Variants in FARS2 observed in about 807,000 individuals in gnomAD.
The protein encoded by FARS2 is phenylalanine--tRNA ligase, mitochondrial.
A neutral mutation model predicts 46.4 loss-of-function variants in FARS2; 40 were observed. The ratio of observed to expected loss-of-function variants is 0.86; its 90% CI spans 0.67 to 1.12. FARS2 has a LOEUF of 1.12. FARS2 is among the 50% of genes most tolerant of loss of function. The pLI is 0.00. For synonymous variants in FARS2, 234 were observed against 214.9 expected (o/e 1.09, Z -0.78); for missense variants, 513 against 567.9 (o/e 0.90, Z 0.98).
At chr6:5,752,053 C>T (rs1489931917) in intron 6 of FARS2, among the ~76,000 whole-genome samples, 2 of 152,018 alleles carry the variant, frequency 1.3e-5, no homozygotes, top group African/African-American at 2.4e-5. Context: ...TCTGTTGTGC[C>T]GTGCAAAGAT....
intron 4 of FARS2, among the ~76,000 whole-genome samples, chr6:5,460,381 C>A (rs9405835): frequency 7.2e-5 from 11 of 152,020 alleles, no homozygotes; most frequent in Admixed American, 6.5e-4. Context: ...GTTTTTCAGG[C>A]GTTCAGTTGG....
chr6:5,513,792 GCTGT>G (rs898040892), intron 4 of FARS2, among the ~76,000 whole-genome samples: 15 of 152,232 alleles, frequency 9.9e-5, no homozygotes, highest in Middle Eastern at 3.4e-3. Flanking sequence ...AGAGTTTATT[GCTGT>G]CTAAGTGGGC....
intron 5 of FARS2, among the ~76,000 whole-genome samples, chr6:5,608,002 T>C (rs1321654760): frequency 6.6e-6 from 1 of 151,392 alleles, no homozygotes; most frequent in Non-Finnish European, 1.5e-5. Context: ...TTTTTTTTAG[T>C]TTCCAAATAT....
Position 5,500,096 on chromosome 6 carries a change from G to C in FARS2, c.905-45084G>C, listed in dbSNP as rs149986334. On this transcript the variant is annotated intron_variant, in intron 4 of 6. Transcript: ENST00000274680. The stretch of plus-strand genomic sequence containing the variant: ...AGATATAAGTTTTACATGATTCTTC[G>C]TGTCAGCAGTTTTGCCACTTGCCAT... Among the ~76,000 whole-genome samples, 776 of 152,230 alleles carry C rather than the reference G, an allele frequency of 5.1e-3. 9 individuals carry two copies. The highest frequency in any genetic ancestry group is 0.017 in the African/African-American group (724 of 41,540).
chr6:5,766,782 C>A (rs1215228239), intron 6 of FARS2, among the ~76,000 whole-genome samples: 1 of 152,032 alleles, frequency 6.6e-6, no homozygotes, highest in Non-Finnish European at 1.5e-5. Flanking sequence ...TATGTCATTA[C>A]CCCAAAGGAA....
intron 2 of FARS2, among the ~76,000 whole-genome samples, chr6:5,389,353 C>T (rs1166918953): frequency 6.6e-6 from 1 of 152,200 alleles, no homozygotes; most frequent in African/African-American, 2.4e-5. Flanking sequence ...GTCTCTCTCT[C>T]TCTCCTCTTT....
chr6:5,672,696 A>G (rs1290757230), intron 6 of FARS2, among the ~76,000 whole-genome samples: 1 of 152,092 alleles, frequency 6.6e-6, no homozygotes, highest in African/African-American at 2.4e-5. Flanking sequence ...CTGAAGTTTC[A>G]TTGTAGCTGA....
intron 6 of FARS2, among the ~76,000 whole-genome samples, chr6:5,738,234 A>ATCCCACACTACAG (rs1325932492): frequency 1.3e-5 from 2 of 152,252 alleles, no homozygotes; most frequent in African/African-American, 4.8e-5. Flanking sequence ...TACAGGCATA[A>ATCCCACACTACAG]GCACCACACC....
intron 4 of FARS2, among the ~76,000 whole-genome samples, chr6:5,500,550 C>T (rs2150379810): frequency 6.6e-6 from 1 of 152,254 alleles, no homozygotes; most frequent in African/African-American, 2.4e-5. Context: ...TGTGCAGTTA[C>T]CTTCAGTGTT....
At chr6:5,587,195 CT>C (rs566183909) in intron 5 of FARS2, among the ~76,000 whole-genome samples, 24 of 152,276 alleles carry the variant, frequency 1.6e-4, no homozygotes, top group African/African-American at 3.1e-4. Flanking sequence ...ATCATTTCTC[CT>C]TCATAAAGGT....
intron 6 of FARS2, among the ~76,000 whole-genome samples, chr6:5,719,442 G>GAGAGAAAGAGGGAAAGAA (rs1759739397): frequency 1.4e-5 from 2 of 144,582 alleles, no homozygotes; most frequent in African/African-American, 5.1e-5. Context: ...AGGAAAGAAA[G>GAGAGAAAGAGGGAAAGAA]AGAGAAAGAG....
At chr6:5,500,741 T>G (rs1229555142) in intron 4 of FARS2, among the ~76,000 whole-genome samples, 3 of 152,182 alleles carry the variant, frequency 2.0e-5, no homozygotes, top group African/African-American at 4.8e-5. Flanking sequence ...TTACATTTTT[T>G]TTTTTTAAAG....
At chr6:5,474,621 G>A (rs953709836) in intron 4 of FARS2, among the ~76,000 whole-genome samples, 15 of 150,664 alleles carry the variant, frequency 1.0e-4, no homozygotes, top group African/African-American at 3.7e-4. Flanking sequence ...GTATATCTGA[G>A]CATATCTAAA....
the FARS2 span, among the ~76,000 whole-genome samples, chr6:5,253,134 C>A: frequency 6.6e-6 from 1 of 152,184 alleles, no homozygotes; most frequent in Non-Finnish European, 1.5e-5. Flanking sequence ...TAGTGTATAA[C>A]ACATTAATAA....
chr6:5,616,637 T>A (rs904347815), intron 6 of FARS2, among the ~76,000 whole-genome samples: 1 of 152,206 alleles, frequency 6.6e-6, no homozygotes, highest in African/African-American at 2.4e-5. Context: ...TTTTTAAAAA[T>A]TTGTGCATAA....
intron 6 of FARS2, among the ~76,000 whole-genome samples, chr6:5,678,851 G>A (rs1020912088): frequency 6.6e-6 from 1 of 152,192 alleles, no homozygotes; most frequent in African/African-American, 2.4e-5. Context: ...GTTTTGGAAT[G>A]AGCTCTGTAA....
intron 6 of FARS2, among the ~76,000 whole-genome samples, chr6:5,651,339 T>G (rs1036381641): frequency 6.6e-6 from 1 of 152,208 alleles, no homozygotes; most frequent in South Asian, 2.1e-4. Flanking sequence ...ATTGAAAATG[T>G]GTTTGAGGAG....
In FARS2 at chr6:5,261,608, C is replaced by G. The variant is rs1022129514; in HGVS notation, c.-74C>G. On this transcript the variant is annotated 5_prime_UTR_variant, in exon 1 of 7. Coordinates refer to ENST00000274680, the MANE Select transcript of FARS2 (RefSeq NM_006567.5). ...TTGCCCGTGAGAGCGAACGAGCCTG[C>G]CGTACTTCTGATTTTGAAACACCTG... 6.6e-6 allele frequency: 1 copy of G among 152,322 alleles called. No individual in the cohort carries two copies. The highest frequency in any genetic ancestry group is 2.4e-5 in the African/African-American group (1 of 41,472). The allele number at this position is 152,322 out of a possible 1,614,324, so 9.4% of individuals were successfully genotyped here.
chr6:5,458,391 G>C (rs1269291351), intron 4 of FARS2, among the ~76,000 whole-genome samples: 4 of 152,160 alleles, frequency 2.6e-5, no homozygotes, highest in Non-Finnish European at 4.4e-5. Flanking sequence ...GAGCACTGGA[G>C]CCCTAGAAGG....
Sources: gnomAD v4.1 joint callset for allele counts (sites outside exome capture counted in the v4.1 genomes callset) on GRCh38, gnomAD v4.1.1 for gene constraint, MANE v1.5 for transcripts, NCBI Gene and HGNC (gene_info 2026-07-23, HGNC 2026-07-21) for gene names.